RUBCN: variants seen among roughly 807,000 people sequenced by gnomAD.
RUBCN encodes the protein rubicon autophagy regulator.
Under a neutral mutation model 113.2 loss-of-function variants are expected in RUBCN, and 74 were observed. That is an observed-to-expected ratio of 0.65 (90% CI 0.54 to 0.79). RUBCN has a LOEUF of 0.79. Among genes scored for constraint, RUBCN ranks in the 30% least tolerant of loss-of-function variants. The probability of loss-of-function intolerance (pLI) is 0.00; values close to 1 mark genes in which losing one functional copy is unlikely to be tolerated. For synonymous variants in RUBCN, 480 were observed against 490.0 expected (o/e 0.98, Z 0.27); for missense variants, 1,109 against 1,251.7 (o/e 0.89, Z 1.72).
Position 197,681,924 on chromosome 3 carries a change from T to C in RUBCN, c.2127-25A>G, listed in dbSNP as rs1366714037. 5 of 1,599,430 alleles carry C rather than the reference T, an allele frequency of 3.1e-6. No homozygotes were observed. Among genetic ancestry groups the C allele is most frequent in the Non-Finnish European group, 3.4e-6 (4 of 1,167,030 alleles). On this transcript the variant is annotated intron_variant, in intron 14 of 19. Transcript: ENST00000296343. This position sits in a 1 kb window ranked among gnomAD's most constrained non-coding sequence, Gnocchi z 5.5. ...CCTGAGGAAGGGTAAGGACAGGGCA[T>C]TGGCACAGAGCAGCTGCGTGAGACC... is the stretch of plus-strand genomic sequence containing the variant.
chr3:197,694,577 G>A lies in RUBCN; in HGVS notation c.1482C>T (p.Ala494=). ...TTAAGGACTCTGAGATGCTGAAGTG[G>A]GCATTCTCCTGGCGGAAGGAGAGCA... ...GSCADLEKEN[A]HFSISESLIA... is the part of the protein sequence containing the mutation. Residue 494 remains alanine, a synonymous_variant, in exon 10 of 20, where the codon GCC becomes GCT. Transcript: ENST00000296343. The A allele has an allele frequency of 6.2e-7, 1 of 1,614,068 alleles. No homozygotes were observed. Among genetic ancestry groups the A allele is most frequent in the South Asian group, 1.1e-5 (1 of 91,086 alleles).
At chr3:197,712,763 CAAAT>C (rs1725095994) in intron 2 of RUBCN, among the ~76,000 whole-genome samples, 1 of 151,670 alleles carries the variant, frequency 6.6e-6, no homozygotes, top group Non-Finnish European at 1.5e-5. Context: ...AAAATAAAAA[CAAAT>C]AAAAAAATTA....
chr3:197,676,649 G>C, intron 18 of RUBCN: 1 of 1,394,934 alleles, frequency 7.2e-7, no homozygotes, highest in Non-Finnish European at 9.3e-7. Flanking sequence ...GGTCTTGCCC[G>C]GAGCTACCCA....
At chr3:197,720,881 C>T (rs1233349099) in intron 1 of RUBCN, among the ~76,000 whole-genome samples, 2 of 152,136 alleles carry the variant, frequency 1.3e-5, no homozygotes, top group African/African-American at 2.4e-5. Context: ...GAGGAACCTC[C>T]AGACTGTGTC....
chr3:197,729,798 A>G (rs113120942), intron 1 of RUBCN, among the ~76,000 whole-genome samples: 1,543 of 152,148 alleles, frequency 0.01, 18 homozygotes, highest in South Asian at 0.043. Context: ...ACCTCAGGTG[A>G]CCCACCCACC....
chr3:197,703,347 G>T (rs945748067), intron 5 of RUBCN, among the ~76,000 whole-genome samples: 1 of 124,970 alleles, frequency 8.0e-6, no homozygotes, highest in African/African-American at 3.0e-5. Context: ...GCAGTGAGCT[G>T]AGATTGCACC....
At chr3:197,711,226 C>T (rs1362351090) in intron 2 of RUBCN, among the ~76,000 whole-genome samples, 1 of 152,124 alleles carries the variant, frequency 6.6e-6, no homozygotes, top group East Asian at 1.9e-4. Context: ...GGAATTTATC[C>T]TACGGTAAAG....
At chr3:197,743,363 C>T (rs1728605583) in intron 1 of RUBCN, among the ~76,000 whole-genome samples, 1 of 152,188 alleles carries the variant, frequency 6.6e-6, no homozygotes, top group Non-Finnish European at 1.5e-5. Context: ...CCTGCAACCC[C>T]GTCTGTCATG....
rs1722686362 is a variant in RUBCN at position 197,693,710 on chromosome 3, C to T, written c.1786+5G>A. 6.3e-7 allele frequency: 1 copy of T among 1,596,494 alleles called. No individual in the cohort carries two copies. Among genetic ancestry groups the T allele is most frequent in the Non-Finnish European group, 8.6e-7 (1 of 1,163,884 alleles). ...GTTCCCTTGTAACAAAGTGTCACTT[C>T]TTACCTTGGATTTCAAATTCATCAA... On this transcript the variant is annotated splice_donor_5th_base_variant and intron_variant, in intron 11 of 19. Transcript: ENST00000296343.
At chr3:197,726,689 C>A (rs1211515405) in intron 1 of RUBCN, among the ~76,000 whole-genome samples, 1 of 150,478 alleles carries the variant, frequency 6.6e-6, no homozygotes, top group Non-Finnish European at 1.5e-5. Flanking sequence ...TACAGGCACC[C>A]ACCACCAAAC....
chr3:197,675,572 G>A lies in RUBCN; in HGVS notation c.2647-57C>T, dbSNP rs1307413962. The A allele has an allele frequency of 6.8e-6, 9 of 1,328,974 alleles. No individual in the cohort carries two copies. Among genetic ancestry groups the A allele is most frequent in the Admixed American group, 3.4e-5 (2 of 59,584 alleles). The allele number at this position is 1,328,974 out of a possible 1,614,324, so 82.3% of individuals were successfully genotyped here. A position where few individuals can be genotyped will look rare whatever the true frequency, so the allele number is the denominator to read the frequency against. On this transcript the variant is annotated intron_variant, in intron 18 of 19. Coordinates refer to ENST00000296343, the MANE Select transcript of RUBCN (RefSeq NM_014687.4). The surrounding 1 kb of genome is among the most constrained non-coding windows in gnomAD (Gnocchi z 4.4). ...GGAGCGGCACATCAGGAACTGGCAC[G>A]GGAGGGTGAACACCGAGGAGGGGAG...
rs1444683228 is a variant in RUBCN at position 197,683,822 on chromosome 3, G to GT, written c.1847+334dup. Among the ~76,000 whole-genome samples the GT allele has an allele frequency of 6.6e-6, 1 of 152,166 alleles. No homozygotes were observed. Among genetic ancestry groups the GT allele is most frequent in the Non-Finnish European group, 1.5e-5 (1 of 68,030 alleles). ...ATGAGCTACTGTGTCCCCTGGTTGG[G>GT]TCTATGATGTGGAATCTGTTCAATT... On this transcript the variant is annotated intron_variant, in intron 12 of 19. Transcript: ENST00000296343. The surrounding 1 kb of genome is among the most constrained non-coding windows in gnomAD (Gnocchi z 4.6).
At chr3:197,712,410 G>A (rs906866736) in intron 2 of RUBCN, among the ~76,000 whole-genome samples, 3 of 152,170 alleles carry the variant, frequency 2.0e-5, no homozygotes, top group Non-Finnish European at 4.4e-5. Context: ...TGAGCAGCAT[G>A]AATCACTGTA....
chr3:197,736,782 C>G lies in RUBCN; in HGVS notation c.-63G>C. 1 of 1,505,274 alleles carries G rather than the reference C, an allele frequency of 6.6e-7. No individual in the cohort carries two copies. Among genetic ancestry groups the G allele is most frequent in the Non-Finnish European group, 8.8e-7 (1 of 1,133,946 alleles). The allele number at this position is 1,505,274 out of a possible 1,614,324, so 93.2% of individuals were successfully genotyped here. A position where few individuals can be genotyped will look rare whatever the true frequency, so the allele number is the denominator to read the frequency against. On this transcript the variant is annotated 5_prime_UTR_variant, in exon 1 of 20. Transcript: ENST00000296343. The stretch of plus-strand genomic sequence containing the variant: ...GTCCCTGCCGCTTCGCCCTTCAGGG[C>G]TCCCGGGGCCCCCTGGGGCCGGAGG...
intron 1 of RUBCN, among the ~76,000 whole-genome samples, chr3:197,746,907 G>C (rs535120792): frequency 1.3e-5 from 2 of 152,152 alleles, no homozygotes; most frequent in Admixed American, 1.3e-4. Flanking sequence ...TGAAGATAGG[G>C]TGTGCATCCG....
At chr3:197,692,852 G>C (rs1159085832) in intron 11 of RUBCN, among the ~76,000 whole-genome samples, 6 of 152,206 alleles carry the variant, frequency 3.9e-5, no homozygotes, top group Admixed American at 3.9e-4. Flanking sequence ...TCTAGATTGT[G>C]TAAACAGGAA....
At chr3:197,714,828 G>T (rs796104933) in intron 2 of RUBCN, among the ~76,000 whole-genome samples, 11 of 152,044 alleles carry the variant, frequency 7.2e-5, no homozygotes, top group African/African-American at 2.7e-4. Context: ...TAAATAGGAG[G>T]ATACTAAACC....
intron 1 of RUBCN, among the ~76,000 whole-genome samples, chr3:197,719,838 T>C (rs1487090351): frequency 2.6e-5 from 4 of 152,236 alleles, no homozygotes; most frequent in Non-Finnish European, 4.4e-5. Flanking sequence ...TAATTGTACA[T>C]ATTGATAGTA....
chr3:197,681,185 C>T lies in RUBCN; in HGVS notation c.2374G>A (p.Val792Met), dbSNP rs146969620. Residue 792 changes from valine to methionine, a missense_variant, in exon 16 of 20, where the codon GTG (valine) becomes ATG (methionine). By Grantham distance (21) the Val-to-Met change is conservative. Transcript: ENST00000296343. This position sits in a 1 kb window ranked among gnomAD's most constrained non-coding sequence, Gnocchi z 5.5. ...IKIWNDPLFNVQDINSALYRK... is the reference protein window; with the variant it reads ...IKIWNDPLFNMQDINSALYRK... ...TAGAGGGCACTGTTTATGTCCTGCA[C>T]GTTGAAGAGAGGATCATTCCAGATC... The T allele has an allele frequency of 1.6e-4, 251 of 1,614,080 alleles. No individual in the cohort carries two copies. The African/African-American group carries it at 2.5e-3, about 16-fold the overall frequency.
Sources: gnomAD v4.1 joint callset for allele counts (sites outside exome capture counted in the v4.1 genomes callset) on GRCh38, gnomAD v4.1.1 for gene constraint, Gnocchi (gnomAD v3.1) non-coding constraint, MANE v1.5 for transcripts, NCBI Gene and HGNC (gene_info 2026-07-23, HGNC 2026-07-21) for gene names.